ANAPC1: variants seen among roughly 807,000 people sequenced by gnomAD.
ANAPC1 encodes the protein anaphase promoting complex subunit 1.
In ANAPC1, 36 loss-of-function variants were observed where a neutral mutation model predicts 208.0. That is an observed-to-expected ratio of 0.17 (90% CI 0.13 to 0.23). The LOEUF (loss-of-function observed/expected upper bound fraction) is 0.23. ANAPC1 is among the 10% of genes least tolerant of loss of function. ANAPC1 has a pLI of 1.00. For synonymous variants in ANAPC1, 378 were observed against 695.2 expected (o/e 0.54, Z 7.18); for missense variants, 942 against 2,011.6 (o/e 0.47, Z 10.17).
intron 26 of ANAPC1, among the ~76,000 whole-genome samples, chr2:111,820,711 C>T (rs1679482872): frequency 7.2e-6 from 1 of 139,702 alleles, no homozygotes; most frequent in African/African-American, 2.6e-5. Context: ...ATGTCATAGG[C>T]ATGTGAGTCT....
chr2:111,819,898 C>CA (rs1416911603), intron 26 of ANAPC1, among the ~76,000 whole-genome samples: 7 of 152,176 alleles, frequency 4.6e-5, no homozygotes, highest in Admixed American at 3.9e-4. Context: ...AACACAACCG[C>CA]AACATTAATT....
intron 24 of ANAPC1, among the ~76,000 whole-genome samples, chr2:111,824,374 A>C (rs1465631940): frequency 2.6e-5 from 4 of 152,104 alleles, no homozygotes; most frequent in African/African-American, 9.7e-5. Flanking sequence ...CATTTTTAAA[A>C]TCATGTCTTC....
intron 10 of ANAPC1, among the ~76,000 whole-genome samples, chr2:111,861,276 A>T (rs1217127667): frequency 6.6e-6 from 1 of 152,178 alleles, no homozygotes; most frequent in Non-Finnish European, 1.5e-5. Flanking sequence ...GGGTTTCACC[A>T]TTTTGGGCAG....
Position 111,856,775 on chromosome 2 carries a change from T to G in ANAPC1, c.1449+21A>C, listed in dbSNP as rs1357586760. The G allele has an allele frequency of 2.5e-6, 4 of 1,613,546 alleles. No individual in the cohort carries two copies. The South Asian group carries it at 4.4e-5, about 18-fold the overall frequency. On this transcript the variant is annotated intron_variant, in intron 12 of 47. Coordinates refer to ENST00000341068, the MANE Select transcript of ANAPC1 (RefSeq NM_022662.4). ...ATCTGTTGAAGCGTAATTGTCAACT[T>G]CTCAAATGTGCCTACATTACCTCCA...
intron 6 of ANAPC1, 93 bp from the exon 7 acceptor site, chr2:111,868,189 T>C (rs1682541607): frequency 4.1e-6 from 3 of 725,302 alleles, no homozygotes; most frequent in Admixed American, 2.9e-5. Flanking sequence ...CCAGATTACA[T>C]GAGCAACTAG....
chr2:111,774,144 T>C (rs561639773), intron 46 of ANAPC1, among the ~76,000 whole-genome samples: 277 of 152,258 alleles, frequency 1.8e-3, no homozygotes, highest in Admixed American at 6.1e-3. Flanking sequence ...GGGTCAGCTA[T>C]TGCAGAGAAG....
intron 10 of ANAPC1, among the ~76,000 whole-genome samples, chr2:111,859,708 T>C (rs1470553036): frequency 3.9e-5 from 6 of 152,180 alleles, no homozygotes; most frequent in Non-Finnish European, 5.9e-5. Context: ...GATTATGCAT[T>C]TGCCTTCCAT....
chr2:111,799,057 A>G (rs1678307838), intron 34 of ANAPC1, among the ~76,000 whole-genome samples: 1 of 152,012 alleles, frequency 6.6e-6, no homozygotes, highest in Admixed American at 6.6e-5. Context: ...GAAATCTGAC[A>G]AAGAACGGGT....
At chr2:111,832,202 C>A (rs1316499399) in intron 20 of ANAPC1, among the ~76,000 whole-genome samples, 2 of 150,448 alleles carry the variant, frequency 1.3e-5, no homozygotes, top group Non-Finnish European at 2.9e-5. Context: ...ACTTGGGAGG[C>A]TGAGGCAGGA....
chr2:111,830,286 G>A (rs1370894667), intron 21 of ANAPC1, among the ~76,000 whole-genome samples: 1 of 152,086 alleles, frequency 6.6e-6, no homozygotes, highest in African/African-American at 2.4e-5. Context: ...AATAGAGAAA[G>A]GATAGTCTTT....
intron 6 of ANAPC1, among the ~76,000 whole-genome samples, chr2:111,869,680 G>C (rs1429980692): frequency 2.0e-5 from 3 of 152,178 alleles, no homozygotes; most frequent in African/African-American, 7.2e-5. Flanking sequence ...GAAATACTTG[G>C]GACCCTAAGT....
chr2:111,788,117 G>A, intron 39 of ANAPC1, 117 bp downstream of exon 39: 6 of 1,475,392 alleles, frequency 4.1e-6, no homozygotes, highest in Non-Finnish European at 5.5e-6. Context: ...ATATAACTAA[G>A]TTGGAGAACA....
chr2:111,862,363 T>C, intron 10 of ANAPC1, 26 bp downstream of exon 10: 1 of 1,439,648 alleles, frequency 6.9e-7, no homozygotes, highest in Non-Finnish European at 9.2e-7. Context: ...CATTTTTCTT[T>C]GAATATAATA....
chr2:111,816,892 C>T (rs1375252457), intron 27 of ANAPC1, among the ~76,000 whole-genome samples: 1 of 100,302 alleles, frequency 1.0e-5, no homozygotes, highest in African/African-American at 3.9e-5. Context: ...GTTAGCACCA[C>T]AATGAGTAAT....
chr2:111,880,954 A>G (rs988131586), intron 1 of ANAPC1, 105 bp from the exon 2 acceptor site: 11 of 1,015,564 alleles, frequency 1.1e-5, no homozygotes, highest in African/African-American at 4.9e-5. Context: ...TCAAGTAATT[A>G]TATCAGACTG....
chr2:111,871,373 T>C (rs936239109), intron 6 of ANAPC1, among the ~76,000 whole-genome samples: 87 of 152,204 alleles, frequency 5.7e-4, no homozygotes, highest in African/African-American at 2.1e-3. Context: ...TGTTTTGTAG[T>C]TCTCCTTATA....
At chr2:111,821,649 C>T (rs1313775032) in intron 25 of ANAPC1, 196 bp from the exon 26 acceptor site, 2 of 531,250 alleles carry the variant, frequency 3.8e-6, no homozygotes, top group Middle Eastern at 5.2e-4. Context: ...TACTATATTG[C>T]TGGCCGGGTG....
Position 111,792,461 on chromosome 2 carries a change from A to C in ANAPC1, c.4613T>G (p.Leu1538Arg). The C allele has an allele frequency of 6.2e-7, 1 of 1,613,624 alleles. No individual in the cohort carries two copies. ...AGSGNLKVLQ[L>R]CRFLHMKTGG... The stretch of plus-strand genomic sequence containing the variant: ...CGTTTTCATGTGTAAGAAGCGACAA[A>C]GCTGCAAAACCTTTAGGTTTCCTGA... Residue 1538 changes from leucine to arginine, a missense_variant, in exon 38 of 48, where the codon CTT becomes CGT. Transcript: ENST00000341068.
Position 111,825,141 on chromosome 2 carries a change from C to T in ANAPC1, c.2731G>A (p.Glu911Lys), listed in dbSNP as rs773241652. The stretch of plus-strand genomic sequence containing the variant: ...CTAAATAAAAGTCACCTGTTTTCCT[C>T]TTGTTCTACTTGCAACTTCTGGGGG... ...IAPQKLQVEQEENRFSFRHST... is the reference protein window; with the variant it reads ...IAPQKLQVEQKENRFSFRHST... Residue 911 changes from glutamate to lysine, a missense_variant, in exon 23 of 48, where the codon GAG becomes AAG. Coordinates refer to ENST00000341068, the MANE Select transcript of ANAPC1 (RefSeq NM_022662.4). The T allele has an allele frequency of 6.2e-7, 1 of 1,613,820 alleles. No individual in the cohort carries two copies. Among genetic ancestry groups the T allele is most frequent in the South Asian group, 1.1e-5 (1 of 91,044 alleles).
Sources: allele counts gnomAD v4.1 joint callset (sites outside exome capture counted in the v4.1 genomes callset), GRCh38; gene constraint gnomAD v4.1.1; transcripts MANE v1.5; gene names NCBI Gene and HGNC (gene_info 2026-07-23, HGNC 2026-07-21).